Variants in DNAJC10 observed in about 807,000 individuals in gnomAD.
The protein encoded by DNAJC10 is DnaJ heat shock protein family (Hsp40) member C10, also known as endoplasmic reticulum disulfide reductase DNAJC10.
DNAJC10 carries 101 observed loss-of-function variants against 115.0 expected under a neutral mutation model. The observed-to-expected ratio is 0.88, with a 90% CI of 0.75 to 1.04. DNAJC10 has a LOEUF of 1.04. DNAJC10 is among the 50% of genes least tolerant of loss of function. The pLI is 0.00. For missense variants in DNAJC10, 981 were observed against 928.8 expected (o/e 1.06, Z -0.73); for synonymous variants, 307 against 301.5 (o/e 1.02, Z -0.19).
At chr2:182,731,004 T>G in intron 8 of DNAJC10, 26 bp from the exon 9 acceptor site, 3 of 1,547,186 alleles carry the variant, frequency 1.9e-6, no homozygotes, top group Non-Finnish European at 2.7e-6. Context: ...GTGATCAGAA[T>G]TTGCTTTTTT....
intron 5 of DNAJC10, among the ~76,000 whole-genome samples, chr2:182,727,316 A>T (rs758614631): frequency 2.0e-5 from 3 of 152,236 alleles, no homozygotes; most frequent in Non-Finnish European, 4.4e-5. Flanking sequence ...ACTTATGAAC[A>T]GTAATACCTT....
At position 182,791,445 on chromosome 2, in the gene DNAJC10, A is replaced by C. The variant is rs919390733; in HGVS notation, c.*14313A>C. The stretch of plus-strand genomic sequence containing the variant: ...ATTTTAAAAGTATATAAACATCTTA[A>C]ACTTTAAAACTTCAGCCCAGCTAGA... On this transcript the variant is annotated 3_prime_UTR_variant, in exon 24 of 24. Coordinates refer to ENST00000264065, the MANE Select transcript of DNAJC10 (RefSeq NM_018981.4). The C allele has an allele frequency of 2.6e-5, 4 of 152,222 alleles. No homozygotes were observed. The highest frequency in any genetic ancestry group is 9.6e-5 in the African/African-American group (4 of 41,462). The allele number at this position is 152,222 out of a possible 1,614,324, so 9.4% of individuals were successfully genotyped here. A position where few individuals can be genotyped will look rare whatever the true frequency, so the allele number is the denominator to read the frequency against.
chr2:182,763,029 G>C (rs1694324404), intron 22 of DNAJC10, among the ~76,000 whole-genome samples: 1 of 152,008 alleles, frequency 6.6e-6, no homozygotes, highest in Admixed American at 6.6e-5. Context: ...TTATACTAAT[G>C]AATAGGAAAA....
At chr2:182,753,300 T>C (rs1341968306) in intron 16 of DNAJC10, among the ~76,000 whole-genome samples, 1 of 151,902 alleles carries the variant, frequency 6.6e-6, no homozygotes, top group African/African-American at 2.4e-5. Flanking sequence ...TAAAATGTTT[T>C]TAAAGAACAT....
At chr2:182,728,727 T>A (rs1693356568) in intron 6 of DNAJC10, 69 bp downstream of exon 6, 9 of 1,506,558 alleles carry the variant, frequency 6.0e-6, no homozygotes, top group South Asian at 1.2e-5. Flanking sequence ...TGTTAGAATT[T>A]TTTTTTCTAT....
chr2:182,781,007 G>T lies in DNAJC10; in HGVS notation c.*3875G>T, dbSNP rs549873224. On this transcript the variant is annotated 3_prime_UTR_variant, in exon 24 of 24. Coordinates refer to ENST00000264065, the MANE Select transcript of DNAJC10 (RefSeq NM_018981.4). The stretch of plus-strand genomic sequence containing the variant: ...TAATACTTCAAGTTCTGCAATACAT[G>T]TGCAGAACATGCAGGTTTGTTACAT... 2 of 151,322 alleles carry T rather than the reference G, an allele frequency of 1.3e-5. No homozygotes were observed. The highest frequency in any genetic ancestry group is 2.4e-5 in the African/African-American group (1 of 41,144). 9.4% of individuals were successfully genotyped at this position (151,322 alleles called of 1,614,324 possible). A position where few individuals can be genotyped will look rare whatever the true frequency, so the allele number is the denominator to read the frequency against.
rs1327071974 is a variant in DNAJC10, at chr2:182,792,641, C to G, written c.*15509C>G. 1 of 152,204 alleles carries G rather than the reference C, an allele frequency of 6.6e-6. No individual in the cohort carries two copies. Among genetic ancestry groups the G allele is most frequent in the East Asian group, 1.9e-4 (1 of 5,190 alleles). 9.4% of individuals were successfully genotyped at this position (152,204 alleles called of 1,614,324 possible). A position where few individuals can be genotyped will look rare whatever the true frequency, so the allele number is the denominator to read the frequency against. Reference sequence around the variant, plus strand: ...AAATTAGAGGCCTATAACCTCAAACCAGTTTATCTGCAAGAGAAGTGTGTG... The same window carrying G: ...AAATTAGAGGCCTATAACCTCAAACGAGTTTATCTGCAAGAGAAGTGTGTG... On this transcript the variant is annotated 3_prime_UTR_variant, in exon 24 of 24. Coordinates refer to ENST00000264065, the MANE Select transcript of DNAJC10 (RefSeq NM_018981.4).
chr2:182,735,493 A>T (rs1018102988), intron 10 of DNAJC10, among the ~76,000 whole-genome samples: 1 of 151,970 alleles, frequency 6.6e-6, no homozygotes, highest in African/African-American at 2.4e-5. Context: ...ATTATGATAT[A>T]CATAGGTCTT....
chr2:182,772,806 G>T (rs1188283033), intron 22 of DNAJC10, among the ~76,000 whole-genome samples: 1 of 152,186 alleles, frequency 6.6e-6, no homozygotes, highest in African/African-American at 2.4e-5. Flanking sequence ...TTGCCAGCCT[G>T]TGTCTTTTAA....
chr2:182,785,780 G>T lies in DNAJC10; in HGVS notation c.*8648G>T, dbSNP rs1694935446. ...TATTGTATACATTTATATATACATA[G>T]ATCTATAGAGACAGTAGGATATATT... On this transcript the variant is annotated 3_prime_UTR_variant, in exon 24 of 24. Coordinates refer to ENST00000264065, the MANE Select transcript of DNAJC10 (RefSeq NM_018981.4). The T allele has an allele frequency of 6.6e-6, 1 of 152,110 alleles. No individual in the cohort carries two copies. 9.4% of individuals were successfully genotyped at this position (152,110 alleles called of 1,614,324 possible). A position where few individuals can be genotyped will look rare whatever the true frequency, so the allele number is the denominator to read the frequency against.
chr2:182,755,058 A>C lies in DNAJC10; in HGVS notation c.1607A>C (p.Glu536Ala). ...TVVFNQSNIH[E>A]YEGHHSAEQI... Reference sequence around the variant, plus strand: ...GTATTCAACCAGTCCAACATTCATGAGTATGAAGGACATCACTCTGCTGAA... The same window carrying C: ...GTATTCAACCAGTCCAACATTCATGCGTATGAAGGACATCACTCTGCTGAA... Residue 536 changes from glutamate (E) to alanine (A), a missense_variant, in exon 17 of 24, where the codon GAG (glutamate) becomes GCG (alanine). Coordinates refer to ENST00000264065, the MANE Select transcript of DNAJC10 (RefSeq NM_018981.4). The C allele has an allele frequency of 2.5e-6, 4 of 1,610,254 alleles. No homozygotes were observed. Among genetic ancestry groups the C allele is most frequent in the Non-Finnish European group, 3.4e-6 (4 of 1,176,652 alleles).
intron 11 of DNAJC10, among the ~76,000 whole-genome samples, chr2:182,738,733 G>A (rs1574931002): frequency 1.3e-5 from 2 of 152,192 alleles, no homozygotes; most frequent in East Asian, 3.9e-4. Context: ...GTAGAGACGG[G>A]GTTTCACCGT....
chr2:182,761,664 T>C (rs1290241544), intron 21 of DNAJC10, among the ~76,000 whole-genome samples: 1 of 152,030 alleles, frequency 6.6e-6, no homozygotes, highest in Non-Finnish European at 1.5e-5. Flanking sequence ...ACTGAATGAA[T>C]AGAACGAGGA....
At chr2:182,720,923 C>T (rs541096906) in intron 4 of DNAJC10, among the ~76,000 whole-genome samples, 125 of 152,090 alleles carry the variant, frequency 8.2e-4, no homozygotes, top group Middle Eastern at 3.4e-3. Flanking sequence ...TTTTGGCCTT[C>T]GGTTGACATT....
intron 21 of DNAJC10, among the ~76,000 whole-genome samples, chr2:182,761,390 A>T (rs927621363): frequency 1.6e-4 from 24 of 152,144 alleles, no homozygotes; most frequent in Non-Finnish European, 2.9e-4. Flanking sequence ...TACTTTCGGT[A>T]TGCAAGTGTG....
chr2:182,738,894 G>T (rs1168089517), intron 11 of DNAJC10, among the ~76,000 whole-genome samples: 1 of 152,060 alleles, frequency 6.6e-6, no homozygotes, highest in Non-Finnish European at 1.5e-5. Context: ...TATCTGGTAG[G>T]TGGAATTCAG....
Position 182,790,989 on chromosome 2 carries a change from C to T in DNAJC10, c.*13857C>T, listed in dbSNP as rs1296957997. On this transcript the variant is annotated 3_prime_UTR_variant, in exon 24 of 24. Coordinates refer to ENST00000264065, the MANE Select transcript of DNAJC10 (RefSeq NM_018981.4). ...TGTCTATGCTCCTTCTCTCTTTGTT[C>T]ACTATTTTGATATTTAAATGTTATG... is the stretch of plus-strand genomic sequence containing the variant. 6.6e-6 allele frequency: 1 copy of T among 151,984 alleles called. No individual in the cohort carries two copies. Among genetic ancestry groups the T allele is most frequent in the Non-Finnish European group, 1.5e-5 (1 of 67,982 alleles). The allele number at this position is 151,984 out of a possible 1,614,324, so 9.4% of individuals were successfully genotyped here.
chr2:182,758,943 C>A, intron 20 of DNAJC10, 53 bp downstream of exon 20: 2 of 1,348,302 alleles, frequency 1.5e-6, no homozygotes, highest in South Asian at 2.4e-5. Flanking sequence ...AGCCATTTAC[C>A]CCCCTTTTAT....
At position 182,729,894 on chromosome 2, in the gene DNAJC10, G is replaced by C. The variant is rs61748252; in HGVS notation, c.680G>C (p.Ser227Thr). ...HGDRSKESLV[S>T]FAMQHVRSTV... Reference sequence around the variant, plus strand: ...GACAGATCAAAGGAGAGTTTAGTGAGTTTTGCAATGCAGCATGTTAGAAGT... The same window carrying C: ...GACAGATCAAAGGAGAGTTTAGTGACTTTTGCAATGCAGCATGTTAGAAGT... Residue 227 changes from serine (S) to threonine (T), a missense_variant, in exon 8 of 24, where the codon AGT (serine) becomes ACT (threonine). Transcript: ENST00000264065. 11,684 of 1,610,750 alleles carry C rather than the reference G, an allele frequency of 7.3e-3. 56 individuals carry two copies. The highest frequency in any genetic ancestry group is 8.7e-3 in the Non-Finnish European group (10,294 of 1,178,450).
Sources: allele counts gnomAD v4.1 joint callset (sites outside exome capture counted in the v4.1 genomes callset), GRCh38; gene constraint gnomAD v4.1.1; transcripts MANE v1.5; gene names NCBI Gene and HGNC (gene_info 2026-07-23, HGNC 2026-07-21).